MYT1L: variants seen among roughly 807,000 people sequenced by gnomAD.
MYT1L encodes myelin transcription factor 1-like protein.
In MYT1L, 12 loss-of-function variants were observed where a neutral mutation model predicts 126.7. The observed-to-expected ratio is 0.09, with a 90% CI of 0.06 to 0.15. The LOEUF (loss-of-function observed/expected upper bound fraction) is 0.15, where lower values mean the gene tolerates loss of function less well. Among genes scored for constraint, MYT1L ranks in the 10% least tolerant of loss-of-function variants. The pLI is 1.00. For missense variants in MYT1L, 979 were observed against 1,585.2 expected (o/e 0.62, Z 6.49); for synonymous variants, 541 against 604.2 (o/e 0.90, Z 1.53).
intron 2 of MYT1L, among the ~76,000 whole-genome samples, chr2:2,254,794 C>T (rs2094760980): frequency 6.6e-6 from 1 of 152,182 alleles, no homozygotes; most frequent in South Asian, 2.1e-4. Context: ...ACAAGAATCA[C>T]AGCTTGTCCT....
chr2:1,856,449 G>A (rs1171798197), intron 18 of MYT1L, among the ~76,000 whole-genome samples: 1 of 152,094 alleles, frequency 6.6e-6, no homozygotes, highest in Non-Finnish European at 1.5e-5. Flanking sequence ...GTTTTCCATT[G>A]GTGCACATCA....
rs1467335471 is a variant in MYT1L at position 2,306,443 on chromosome 2, C to G, written c.-520-21940G>C. ...TTCAAATAGGAGTCTGGACGTCTGG[C>G]TCCTGGAATCTTTATTCCACATCAT... On this transcript the variant is annotated intron_variant, in intron 1 of 24. Transcript: ENST00000647738. 2.0e-5 allele frequency among the ~76,000 whole-genome samples: 3 copies of G among 152,182 alleles called. No individual in the cohort carries two copies. In the South Asian group the frequency reaches 6.2e-4, roughly 32 times the overall value.
intron 1 of MYT1L, among the ~76,000 whole-genome samples, chr2:2,294,586 C>A (rs2149481415): frequency 6.6e-6 from 1 of 151,750 alleles, no homozygotes; most frequent in African/African-American, 2.4e-5. Flanking sequence ...AGAGGGCAGA[C>A]AGTGAAGTTG....
chr2:1,815,051 T>C (rs1328608599), intron 21 of MYT1L, among the ~76,000 whole-genome samples: 1 of 152,174 alleles, frequency 6.6e-6, no homozygotes, highest in Non-Finnish European at 1.5e-5. Flanking sequence ...TCCCACCTCA[T>C]AGGGATATTT....
chr2:1,850,284 G>C (rs1452449680), intron 19 of MYT1L, among the ~76,000 whole-genome samples: 1 of 146,786 alleles, frequency 6.8e-6, no homozygotes, highest in Non-Finnish European at 1.5e-5. Flanking sequence ...TTTATTGCAA[G>C]CAGTATGTTA....
chr2:1,814,786 A>G (rs917117563), intron 21 of MYT1L, among the ~76,000 whole-genome samples: 2 of 151,936 alleles, frequency 1.3e-5, no homozygotes, highest in African/African-American at 2.4e-5. Flanking sequence ...CCTGGCGGAG[A>G]GCATTCACCC....
chr2:1,796,877 T>C (rs191242968), intron 23 of MYT1L, among the ~76,000 whole-genome samples: 5 of 152,326 alleles, frequency 3.3e-5, no homozygotes, highest in Non-Finnish European at 7.3e-5. Flanking sequence ...AAATGCCGCT[T>C]GCCCAGGCCG....
chr2:2,303,650 C>G (rs1278553340), intron 1 of MYT1L: 1 of 152,174 alleles, frequency 6.6e-6, no homozygotes. Flanking sequence ...GAGCACACAT[C>G]TTAGAGGACA....
intron 21 of MYT1L, among the ~76,000 whole-genome samples, chr2:1,819,316 C>T (rs902653965): frequency 6.6e-6 from 1 of 152,238 alleles, no homozygotes; most frequent in Admixed American, 6.5e-5. Flanking sequence ...ACAGTCCTAA[C>T]AGGAGGGTCA....
chr2:2,210,266 C>A (rs370528342), intron 2 of MYT1L, among the ~76,000 whole-genome samples: 4 of 152,066 alleles, frequency 2.6e-5, no homozygotes, highest in Non-Finnish European at 5.9e-5. Context: ...TCCCATTTGT[C>A]GATTTCTGCT....
intron 3 of MYT1L, among the ~76,000 whole-genome samples, chr2:2,137,641 A>G (rs1337756565): frequency 6.6e-6 from 1 of 152,228 alleles, no homozygotes; most frequent in Non-Finnish European, 1.5e-5. Flanking sequence ...AGCCATATGT[A>G]GAAAGCTGAA....
intron 2 of MYT1L, among the ~76,000 whole-genome samples, chr2:2,231,825 G>A (rs1021734917): frequency 4.6e-5 from 7 of 152,034 alleles, no homozygotes; most frequent in African/African-American, 1.7e-4. Flanking sequence ...GGATTTCCAC[G>A]ATAACTCCTC....
intron 4 of MYT1L, among the ~76,000 whole-genome samples, chr2:2,024,036 G>A (rs181411810): frequency 2.3e-3 from 355 of 152,114 alleles, no homozygotes; most frequent in Middle Eastern, 6.8e-3. Context: ...GATATTTTAC[G>A]TTGATTTTTA....
intron 4 of MYT1L, among the ~76,000 whole-genome samples, chr2:2,003,987 A>ATG (rs1310391434): frequency 6.7e-6 from 1 of 150,248 alleles, no homozygotes; most frequent in African/African-American, 2.5e-5. Flanking sequence ...TCTTTCCTGC[A>ATG]AGCGTTCTTT....
chr2:2,111,240 T>C (rs1316407108), intron 3 of MYT1L, among the ~76,000 whole-genome samples: 1 of 152,200 alleles, frequency 6.6e-6, no homozygotes, highest in Non-Finnish European at 1.5e-5. Flanking sequence ...CCTACCACTC[T>C]CACTGAGCTC....
chr2:2,078,008 G>A (rs549314709), intron 3 of MYT1L, among the ~76,000 whole-genome samples: 1 of 152,286 alleles, frequency 6.6e-6, no homozygotes, highest in South Asian at 2.1e-4. Context: ...AGCTTATAAG[G>A]TATAAAGAAG....
chr2:2,003,027 T>C (rs764305558), intron 4 of MYT1L, among the ~76,000 whole-genome samples: 7 of 152,182 alleles, frequency 4.6e-5, no homozygotes, highest in Non-Finnish European at 7.3e-5. Context: ...TGTGTCCTTG[T>C]AGCAGCATGA....
intron 5 of MYT1L, among the ~76,000 whole-genome samples, chr2:1,987,329 T>C (rs1388671874): frequency 6.6e-6 from 1 of 152,046 alleles, no homozygotes; most frequent in African/African-American, 2.4e-5. Context: ...GTTTTTTTTT[T>C]TCTGTTTTTT....
chr2:1,846,454 C>T (rs768168351), intron 19 of MYT1L, among the ~76,000 whole-genome samples: 1 of 152,040 alleles, frequency 6.6e-6, no homozygotes, highest in South Asian at 2.1e-4. Flanking sequence ...ACTTTGTAAA[C>T]GATGGAAACG....
Sources: gnomAD v4.1 joint callset for allele counts (sites outside exome capture counted in the v4.1 genomes callset) on GRCh38, gnomAD v4.1.1 for gene constraint, MANE v1.5 for transcripts, NCBI Gene and HGNC (gene_info 2026-07-23, HGNC 2026-07-21) for gene names.